Variants in TRABD2B observed in about 807,000 individuals in gnomAD.
TRABD2B encodes TraB domain containing 2B.
A neutral mutation model predicts 40.1 loss-of-function variants in TRABD2B; 14 were observed. The observed-to-expected ratio is 0.35, with a 90% confidence interval of 0.23 to 0.55. The LOEUF (loss-of-function observed/expected upper bound fraction) is 0.55, where lower values mean the gene tolerates loss of function less well. Among genes scored for constraint, TRABD2B ranks in the 20% least tolerant of loss-of-function variants. The pLI, the probability that TRABD2B is intolerant of heterozygous loss-of-function variation, is 0.90. For synonymous variants in TRABD2B, 263 were observed against 277.0 expected (o/e 0.95, Z 0.50); for missense variants, 541 against 648.6 (o/e 0.83, Z 1.80).
intron 2 of TRABD2B, among the ~76,000 whole-genome samples, chr1:47,888,009 T>C (rs569336297): frequency 1.3e-5 from 2 of 152,310 alleles, no homozygotes; most frequent in African/African-American, 4.8e-5. Flanking sequence ...GACAAATGAA[T>C]CAAAGGGCTG....
intron 2 of TRABD2B, among the ~76,000 whole-genome samples, chr1:47,987,970 T>C (rs1382567409): frequency 6.6e-6 from 1 of 152,164 alleles, no homozygotes; most frequent in East Asian, 1.9e-4. Context: ...GTTGACTTCC[T>C]GGGAGAAAAG....
intron 2 of TRABD2B, among the ~76,000 whole-genome samples, chr1:47,949,408 T>TC (rs1485161060): frequency 1.4e-5 from 2 of 138,154 alleles, no homozygotes; most frequent in Non-Finnish European, 3.2e-5. Flanking sequence ...TTTCTTTTTT[T>TC]TTTTTTTTTT....
At chr1:47,955,064 C>T (rs1422181965) in intron 2 of TRABD2B, among the ~76,000 whole-genome samples, 1 of 152,150 alleles carries the variant, frequency 6.6e-6, no homozygotes, top group Non-Finnish European at 1.5e-5. Context: ...TTCCTTTCTA[C>T]CCACAGCTGG....
intron 2 of TRABD2B, among the ~76,000 whole-genome samples, chr1:47,934,841 C>G (rs1645085462): frequency 6.6e-6 from 1 of 152,200 alleles, no homozygotes; most frequent in South Asian, 2.1e-4. Flanking sequence ...AGGGCATCTC[C>G]TGAGTCCTGG....
chr1:47,874,026 T>C (rs1287609372), intron 2 of TRABD2B, among the ~76,000 whole-genome samples: 2 of 152,094 alleles, frequency 1.3e-5, no homozygotes. Context: ...TGTGACCCTG[T>C]CTTAGAGAAA....
At position 47,801,573 on chromosome 1, in the gene TRABD2B, C is replaced by T. The variant is rs1323139070; in HGVS notation, c.713G>A (p.Arg238Gln). 4.6e-6 allele frequency: 7 copies of T among 1,535,968 alleles called. No individual in the cohort carries two copies. The highest frequency in any genetic ancestry group is 3.9e-5 in the Admixed American group (2 of 50,986). Residue 238 changes from arginine to glutamine, a missense_variant, in exon 3 of 7, where the codon CGG becomes CAG. Arg to Gln is a conservative substitution (Grantham distance 43). Coordinates refer to ENST00000606738, the MANE Select transcript of TRABD2B (RefSeq NM_001194986.2). ...GTAGGAGGCCTGCAGGCTCCCGGCC[C>T]GCACACTCTCCTGCTGCAGCAGGGT... Reference protein sequence around the residue: ...NQTLLQQESVRAGSLQASYTT... With the variant: ...NQTLLQQESVQAGSLQASYTT...
intron 4 of TRABD2B, among the ~76,000 whole-genome samples, chr1:47,784,066 T>C (rs1006975825): frequency 2.6e-5 from 4 of 152,186 alleles, no homozygotes; most frequent in African/African-American, 9.7e-5. Flanking sequence ...GAGTACAGGA[T>C]GCTTCTCAAA....
At chr1:47,844,846 C>A (rs769359094) in intron 2 of TRABD2B, among the ~76,000 whole-genome samples, 5 of 152,158 alleles carry the variant, frequency 3.3e-5, no homozygotes, top group Non-Finnish European at 4.4e-5. Context: ...GATCCTTTGA[C>A]TTAGACACTC....
intron 6 of TRABD2B, among the ~76,000 whole-genome samples, chr1:47,768,729 G>A (rs573854333): frequency 1.3e-5 from 2 of 152,316 alleles, no homozygotes; most frequent in South Asian, 2.1e-4. Context: ...GCTAGAAGAG[G>A]TTGGCTATTT....
At chr1:47,987,607 TAATATATTAAA>T (rs1344283514) in intron 2 of TRABD2B, among the ~76,000 whole-genome samples, 2 of 152,200 alleles carry the variant, frequency 1.3e-5, no homozygotes, top group African/African-American at 4.8e-5. Flanking sequence ...TACATTTAGA[TAATATATTAAA>T]TATTAAGACA....
At chr1:47,768,553 G>T (rs924500977) in intron 6 of TRABD2B, among the ~76,000 whole-genome samples, 1 of 152,138 alleles carries the variant, frequency 6.6e-6, no homozygotes, top group Non-Finnish European at 1.5e-5. Flanking sequence ...GGGCTTCTTT[G>T]ATCTGCCTTC....
chr1:47,887,667 G>A (rs925557636), intron 2 of TRABD2B, among the ~76,000 whole-genome samples: 10 of 152,162 alleles, frequency 6.6e-5, no homozygotes, highest in Middle Eastern at 3.2e-3. Context: ...GGCACCAAGT[G>A]CAAACAGTGT....
intron 2 of TRABD2B, among the ~76,000 whole-genome samples, chr1:47,907,638 C>T (rs762311724): frequency 4.6e-5 from 7 of 152,080 alleles, no homozygotes; most frequent in Admixed American, 3.3e-4. Flanking sequence ...AGCCAGTTGC[C>T]GGGTGCACTC....
intron 2 of TRABD2B, among the ~76,000 whole-genome samples, chr1:47,889,998 A>G: frequency 6.6e-6 from 1 of 152,192 alleles, no homozygotes; most frequent in East Asian, 1.9e-4. Context: ...CCTGGATGGA[A>G]TGAAGTTGCT....
At chr1:47,824,031 G>A (rs1020851831) in intron 2 of TRABD2B, among the ~76,000 whole-genome samples, 1 of 152,132 alleles carries the variant, frequency 6.6e-6, no homozygotes, top group African/African-American at 2.4e-5. Context: ...CAAGCCTGGA[G>A]GCCTGATCGC....
At position 47,765,484 on chromosome 1, in the gene TRABD2B, C is replaced by A; in HGVS notation, c.*418G>T. The A allele has an allele frequency of 6.0e-6, 1 of 167,352 alleles. No homozygotes were observed. Among genetic ancestry groups the A allele is most frequent in the Non-Finnish European group, 1.3e-5 (1 of 77,278 alleles). 10.4% of individuals were successfully genotyped at this position (167,352 alleles called of 1,614,324 possible). ...CCCCTCCTGCTGAGGGCCCCACAGT[C>A]GGAGAAGCCAAACCCAGACCCAGGA... On this transcript the variant is annotated 3_prime_UTR_variant, in exon 7 of 7. Transcript: ENST00000606738.
At position 47,762,869 on chromosome 1, in the gene TRABD2B, C is replaced by T. The variant is rs1644258579; in HGVS notation, c.*3033G>A. On this transcript the variant is annotated 3_prime_UTR_variant, in exon 7 of 7. Transcript: ENST00000606738. ...CAACATGCCCCAGAGAGCCCTTCATCACACAGTCAGCTTTCGTGAGAGGTA... is the reference window on the plus strand; with the variant it reads ...CAACATGCCCCAGAGAGCCCTTCATTACACAGTCAGCTTTCGTGAGAGGTA... 6.6e-6 allele frequency: 1 copy of T among 152,184 alleles called. No individual in the cohort carries two copies. The highest frequency in any genetic ancestry group is 2.4e-5 in the African/African-American group (1 of 41,440). 9.4% of individuals were successfully genotyped at this position (152,184 alleles called of 1,614,324 possible).
intron 2 of TRABD2B, among the ~76,000 whole-genome samples, chr1:47,850,921 C>T (rs1645541100): frequency 6.6e-6 from 1 of 152,200 alleles, no homozygotes; most frequent in Admixed American, 6.5e-5. Context: ...ATAAGGAGCA[C>T]ACAACCTAGA....
At chr1:47,805,399 C>T (rs1382562445) in intron 2 of TRABD2B, among the ~76,000 whole-genome samples, 2 of 152,154 alleles carry the variant, frequency 1.3e-5, no homozygotes, top group Non-Finnish European at 2.9e-5. Context: ...TGTGTCACAG[C>T]AGGAGTGTGG....
Sources: allele counts gnomAD v4.1 joint callset (sites outside exome capture counted in the v4.1 genomes callset), GRCh38; gene constraint gnomAD v4.1.1; transcripts MANE v1.5; gene names NCBI Gene and HGNC (gene_info 2026-07-23, HGNC 2026-07-21).